PTPRM: variants seen among roughly 807,000 people sequenced by gnomAD.
PTPRM encodes the protein receptor-type tyrosine-protein phosphatase mu.
Under a neutral mutation model 186.7 loss-of-function variants are expected in PTPRM, and 47 were observed. The observed-to-expected ratio is 0.25, with a 90% CI of 0.20 to 0.32. PTPRM has a LOEUF of 0.32. PTPRM is among the 10% of genes least tolerant of loss of function. PTPRM has a pLI of 1.00. For missense variants in PTPRM, 1,494 were observed against 1,865.0 expected (o/e 0.80, Z 3.66); for synonymous variants, 668 against 674.9 (o/e 0.99, Z 0.16).
chr18:8,336,040 A>AATAAATAAATAGTAATAAAT (rs2095437352), intron 22 of PTPRM, among the ~76,000 whole-genome samples: 1 of 151,770 alleles, frequency 6.6e-6, no homozygotes, highest in Non-Finnish European at 1.5e-5. Flanking sequence ...TAAATAAATA[A>AATAAATAAATAGTAATAAAT]ATAAATAAAT....
At chr18:8,065,831 T>C (rs549162144) in intron 7 of PTPRM, among the ~76,000 whole-genome samples, 52 of 152,328 alleles carry the variant, frequency 3.4e-4, no homozygotes, top group African/African-American at 1.3e-3. Context: ...GTGTTTGTAT[T>C]CTACTCCCAG....
At chr18:8,064,661 G>A (rs992211386) in intron 7 of PTPRM, among the ~76,000 whole-genome samples, 1 of 152,196 alleles carries the variant, frequency 6.6e-6, no homozygotes, top group African/African-American at 2.4e-5. Context: ...GTAGGGCAGT[G>A]TAAATTAAAG....
intron 1 of PTPRM, among the ~76,000 whole-genome samples, chr18:7,767,368 A>G (rs2042062072): frequency 6.6e-6 from 1 of 152,240 alleles, no homozygotes; most frequent in East Asian, 1.9e-4. Context: ...TCAAGATGTC[A>G]TGACTATGAG....
intron 1 of PTPRM, among the ~76,000 whole-genome samples, chr18:7,600,430 C>T (rs4798576): frequency 0.1 from 15,197 of 152,206 alleles, 1,479 homozygotes; most frequent in East Asian, 0.42. Context: ...CATAACACAC[C>T]ACTTGCTCCC....
In PTPRM at chr18:7,949,367, GT is replaced by G; in HGVS notation, c.838+17del. 1 of 1,595,680 alleles carries G rather than the reference GT, an allele frequency of 6.3e-7. No homozygotes were observed. The highest frequency in any genetic ancestry group is 8.6e-7 in the Non-Finnish European group (1 of 1,166,282). ...GTTGGTAGTTAAAGGTATTTAATGT[GT>G]TTTTATACCAGAATATTCTTCTAAA... is the stretch of plus-strand genomic sequence containing the variant. On this transcript the variant is annotated intron_variant, in intron 6 of 32. Transcript: ENST00000580170.
intron 1 of PTPRM, among the ~76,000 whole-genome samples, chr18:7,587,925 C>T (rs2037021572): frequency 6.6e-6 from 1 of 151,962 alleles, no homozygotes; most frequent in African/African-American, 2.4e-5. Flanking sequence ...TTTTAATTTG[C>T]ATTTTGAGGA....
At chr18:7,788,892 A>G (rs1416898396) in intron 2 of PTPRM, among the ~76,000 whole-genome samples, 1 of 152,214 alleles carries the variant, frequency 6.6e-6, no homozygotes, top group Non-Finnish European at 1.5e-5. Context: ...TCCAGCTGTT[A>G]TAGATAGTTA....
intron 1 of PTPRM, among the ~76,000 whole-genome samples, chr18:7,608,318 A>T (rs1164139787): frequency 6.6e-6 from 1 of 152,208 alleles, no homozygotes; most frequent in Admixed American, 6.5e-5. Context: ...ACACAGATTC[A>T]AATACAGCTT....
At chr18:7,797,160 G>A (rs974250262) in intron 2 of PTPRM, among the ~76,000 whole-genome samples, 3 of 152,156 alleles carry the variant, frequency 2.0e-5, no homozygotes, top group Non-Finnish European at 4.4e-5. Flanking sequence ...CTAGGGCTGG[G>A]CTTTAATCAG....
At chr18:8,185,609 C>T (rs1452817105) in intron 14 of PTPRM, among the ~76,000 whole-genome samples, 5 of 152,194 alleles carry the variant, frequency 3.3e-5, no homozygotes, top group Non-Finnish European at 5.9e-5. Flanking sequence ...GGCCACCGTA[C>T]AGAGCGATTT....
chr18:8,205,942 T>C (rs940706632), intron 14 of PTPRM, among the ~76,000 whole-genome samples: 3 of 152,136 alleles, frequency 2.0e-5, no homozygotes, highest in Non-Finnish European at 2.9e-5. Context: ...TCACTGTTCT[T>C]TGGTGGCAGC....
At chr18:8,153,092 C>G (rs2093047688) in intron 14 of PTPRM, among the ~76,000 whole-genome samples, 1 of 152,154 alleles carries the variant, frequency 6.6e-6, no homozygotes, top group Admixed American at 6.5e-5. Context: ...GTAGTTTGTA[C>G]TTTTTAAAAA....
chr18:8,228,397 A>T (rs915180225), intron 14 of PTPRM, among the ~76,000 whole-genome samples: 2 of 152,206 alleles, frequency 1.3e-5, no homozygotes, highest in African/African-American at 4.8e-5. Context: ...AGTGATGATT[A>T]AGTGCATTTC....
At chr18:7,886,452 G>T (rs535241858) in intron 2 of PTPRM, among the ~76,000 whole-genome samples, 2 of 152,124 alleles carry the variant, frequency 1.3e-5, no homozygotes, top group Non-Finnish European at 2.9e-5. Flanking sequence ...AGATAGGTTC[G>T]CTTGTGACTT....
At chr18:8,303,524 G>A (rs1188984776) in intron 20 of PTPRM, among the ~76,000 whole-genome samples, 2 of 152,170 alleles carry the variant, frequency 1.3e-5, no homozygotes, top group Non-Finnish European at 2.9e-5. Context: ...GAATGGCCTG[G>A]CAGAGCGAGC....
At chr18:8,102,796 T>C (rs1343617453) in intron 11 of PTPRM, among the ~76,000 whole-genome samples, 1 of 152,206 alleles carries the variant, frequency 6.6e-6, no homozygotes, top group Non-Finnish European at 1.5e-5. Flanking sequence ...CCCTTTCCAT[T>C]GACTTTGACC....
chr18:8,376,323 G>T, intron 25 of PTPRM, 123 bp downstream of exon 25: 1 of 1,518,628 alleles, frequency 6.6e-7, no homozygotes, highest in African/African-American at 1.4e-5. Context: ...CATTTTGGGA[G>T]CACTAAATGC....
intron 14 of PTPRM, among the ~76,000 whole-genome samples, chr18:8,180,164 C>A (rs945162260): frequency 2.5e-4 from 38 of 152,174 alleles, no homozygotes; most frequent in Non-Finnish European, 3.5e-4. Flanking sequence ...AGGTTGAACA[C>A]CTGCAGCCAA....
intron 1 of PTPRM, among the ~76,000 whole-genome samples, chr18:7,635,007 AAAAAC>A (rs1278255777): frequency 3.9e-5 from 6 of 152,184 alleles, no homozygotes; most frequent in African/African-American, 1.4e-4. Flanking sequence ...TTTCAAATGT[AAAAAC>A]AAAACTAAAT....
Sources: allele counts gnomAD v4.1 joint callset (sites outside exome capture counted in the v4.1 genomes callset), GRCh38; gene constraint gnomAD v4.1.1; transcripts MANE v1.5; gene names NCBI Gene and HGNC (gene_info 2026-07-23, HGNC 2026-07-21).